Variants in SUPT3H observed in about 807,000 individuals in gnomAD.
The protein encoded by SUPT3H is transcription initiation protein SPT3 homolog.
SUPT3H carries 44 observed loss-of-function variants against 44.3 expected under a neutral mutation model. The ratio of observed to expected loss-of-function variants is 0.99; its 90% confidence interval spans 0.78 to 1.28. SUPT3H has a LOEUF of 1.28. Ranked by LOEUF, SUPT3H falls within the 50% of genes most tolerant of loss-of-function variation. The pLI is 0.00. For missense variants in SUPT3H, 380 were observed against 387.1 expected (o/e 0.98, Z 0.15); for synonymous variants, 124 against 125.6 (o/e 0.99, Z 0.09).
intron 9 of SUPT3H, among the ~76,000 whole-genome samples, chr6:44,951,752 A>G (rs1169046067): frequency 2.6e-5 from 4 of 152,202 alleles, no homozygotes; most frequent in Non-Finnish European, 5.9e-5. Context: ...GAGGGGAAAT[A>G]AAGAGTTTTC....
intron 4 of SUPT3H, among the ~76,000 whole-genome samples, chr6:45,017,534 G>A (rs1412833759): frequency 1.3e-5 from 2 of 152,092 alleles, no homozygotes; most frequent in Admixed American, 6.5e-5. Flanking sequence ...AAGGAGTAAG[G>A]AAGGGATCCA....
intron 10 of SUPT3H, 41 bp from the exon 11 acceptor site, chr6:44,829,898 A>C (rs1768309619): frequency 6.2e-7 from 1 of 1,604,114 alleles, no homozygotes; most frequent in African/African-American, 1.3e-5. Flanking sequence ...TATCACATGA[A>C]GTCAAACAAG....
At chr6:45,029,706 A>G (rs985657827) in intron 3 of SUPT3H, among the ~76,000 whole-genome samples, 1 of 152,230 alleles carries the variant, frequency 6.6e-6, no homozygotes, top group Non-Finnish European at 1.5e-5. Context: ...AATTAAATAA[A>G]GTCATAGTTT....
At chr6:45,130,464 T>A (rs1285004) in intron 2 of SUPT3H, among the ~76,000 whole-genome samples, 84,304 of 151,708 alleles carry the variant, frequency 0.56, 23,501 homozygotes, top group East Asian at 0.71. Flanking sequence ...TTTCAGTTAC[T>A]ATGAGCAATG....
intron 10 of SUPT3H, among the ~76,000 whole-genome samples, chr6:44,857,872 A>G (rs925713693): frequency 6.6e-6 from 1 of 152,208 alleles, no homozygotes; most frequent in Non-Finnish European, 1.5e-5. Context: ...ATATGGGGTA[A>G]TAAGTGCAAA....
intron 9 of SUPT3H, among the ~76,000 whole-genome samples, chr6:44,935,142 A>C (rs1771198987): frequency 1.3e-5 from 2 of 151,728 alleles, no homozygotes; most frequent in Admixed American, 6.6e-5. Context: ...TCCGGAAGGA[A>C]GCCTTTAAAC....
intron 6 of SUPT3H, among the ~76,000 whole-genome samples, chr6:44,997,636 T>C (rs1162843921): frequency 6.6e-6 from 1 of 151,894 alleles, no homozygotes; most frequent in African/African-American, 2.4e-5. Flanking sequence ...AATTTTTGTC[T>C]CCTGCCAATA....
At position 44,896,420 on chromosome 6, in the gene SUPT3H, T is replaced by C. The variant is rs79439878; in HGVS notation, c.912+36233A>G. On this transcript the variant is annotated intron_variant, in intron 10 of 10. Coordinates refer to ENST00000371459, the MANE Select transcript of SUPT3H (RefSeq NM_003599.4). The stretch of plus-strand genomic sequence containing the variant: ...CATCCCCAAGAGAAGGCACTATTAT[T>C]GGTCACATTTTCTACATAAAGAAAC... Among the ~76,000 whole-genome samples, 810 of 152,330 alleles carry C rather than the reference T, an allele frequency of 5.3e-3. 5 individuals are homozygous for C. Among genetic ancestry groups the C allele is most frequent in the African/African-American group, 0.018 (756 of 41,578 alleles).
chr6:44,953,564 C>T (rs1774646805), intron 8 of SUPT3H, 147 bp from the exon 9 acceptor site: 1 of 625,858 alleles, frequency 1.6e-6, no homozygotes, highest in South Asian at 2.0e-5. Flanking sequence ...CACACACTTT[C>T]ATTGACTGGT....
intron 6 of SUPT3H, among the ~76,000 whole-genome samples, chr6:44,982,154 A>G (rs1163182522): frequency 1.3e-5 from 2 of 152,212 alleles, no homozygotes; most frequent in Admixed American, 1.3e-4. Flanking sequence ...CCACACTGAG[A>G]AAATTTCAAG....
intron 10 of SUPT3H, among the ~76,000 whole-genome samples, chr6:44,925,987 T>C (rs1337330896): frequency 6.6e-6 from 1 of 152,172 alleles, no homozygotes; most frequent in Non-Finnish European, 1.5e-5. Flanking sequence ...TTCCTCAATA[T>C]TGTATTCTTT....
At chr6:45,121,434 A>G (rs1801640099) in intron 2 of SUPT3H, among the ~76,000 whole-genome samples, 1 of 151,998 alleles carries the variant, frequency 6.6e-6, no homozygotes, top group African/African-American at 2.4e-5. Context: ...TTAGAATATT[A>G]GATTACTAAA....
At position 44,940,271 on chromosome 6, in the gene SUPT3H, C is replaced by A. The variant is rs75029373; in HGVS notation, c.802-7508G>T. Among the ~76,000 whole-genome samples, 235 of 152,074 alleles carry A rather than the reference C, an allele frequency of 1.5e-3. 8 individuals are homozygous for A. In the East Asian group the frequency reaches 0.039, roughly 26 times the overall value. ...TCCATTTTCATTTGTTTCAAAAAAT[C>A]TTTTAATGTGTCTTAATTTCTTCAT... On this transcript the variant is annotated intron_variant, in intron 9 of 10. Coordinates refer to ENST00000371459, the MANE Select transcript of SUPT3H (RefSeq NM_003599.4).
chr6:45,256,978 C>T (rs112027414), intron 2 of SUPT3H, among the ~76,000 whole-genome samples: 10 of 152,238 alleles, frequency 6.6e-5, no homozygotes, highest in African/African-American at 1.9e-4. Context: ...TAGGTCATGT[C>T]GTAATTCGAC....
At chr6:45,174,282 T>A (rs1458623298) in intron 2 of SUPT3H, among the ~76,000 whole-genome samples, 2 of 152,190 alleles carry the variant, frequency 1.3e-5, no homozygotes. Flanking sequence ...ATCCTCAGGT[T>A]TGTCAACAGG....
At chr6:44,877,110 T>C (rs1324960321) in intron 10 of SUPT3H, among the ~76,000 whole-genome samples, 4 of 152,212 alleles carry the variant, frequency 2.6e-5, no homozygotes, top group Non-Finnish European at 5.9e-5. Context: ...CCTTACAATA[T>C]GCTGAGCATT....
intron 10 of SUPT3H, among the ~76,000 whole-genome samples, chr6:44,844,525 A>G (rs76050180): frequency 1.3e-3 from 198 of 152,332 alleles, no homozygotes; most frequent in African/African-American, 4.5e-3. Flanking sequence ...CAAATGCGGT[A>G]CACCCATAGA....
intron 2 of SUPT3H, among the ~76,000 whole-genome samples, chr6:45,163,390 TTCTA>T (rs1475624491): frequency 1.3e-5 from 2 of 152,140 alleles, no homozygotes; most frequent in African/African-American, 2.4e-5. Context: ...TAAAATAATC[TTCTA>T]TCTAATATAG....
At chr6:44,843,439 G>A (rs986748080) in intron 10 of SUPT3H, among the ~76,000 whole-genome samples, 6 of 152,088 alleles carry the variant, frequency 3.9e-5, no homozygotes, top group African/African-American at 1.4e-4. Context: ...TGGAAGTGCT[G>A]AAATAAACTG....
Sources: allele counts gnomAD v4.1 joint callset (sites outside exome capture counted in the v4.1 genomes callset), GRCh38; gene constraint gnomAD v4.1.1; transcripts MANE v1.5; gene names NCBI Gene and HGNC (gene_info 2026-07-23, HGNC 2026-07-21).